CTDP1: variants seen among roughly 807,000 people sequenced by gnomAD.
CTDP1 encodes RNA polymerase II subunit A C-terminal domain phosphatase.
A neutral mutation model predicts 91.8 loss-of-function variants in CTDP1; 47 were observed. That is an observed-to-expected ratio of 0.51 (90% CI 0.41 to 0.65). CTDP1 has a LOEUF of 0.65. Among genes scored for constraint, CTDP1 ranks in the 30% least tolerant of loss-of-function variants. The pLI is 0.00. For missense variants in CTDP1, 1,272 were observed against 1,373.7 expected (o/e 0.93, Z 1.17); for synonymous variants, 656 against 598.5 (o/e 1.10, Z -1.40).
At chr18:79,707,524 C>T (rs905805019) in intron 5 of CTDP1, among the ~76,000 whole-genome samples, 4 of 152,230 alleles carry the variant, frequency 2.6e-5, no homozygotes, top group Admixed American at 1.3e-4. Context: ...GTGCCTTCTC[C>T]GTTTCAAGCT....
rs763674738 is a variant in CTDP1, at chr18:79,710,450, C to T, written c.863+14C>T. ...GGGAAACCTTAGGTATGTACCCAGCCGCGCTCCTCACAAAGACCTCGCTGT... is the reference window on the plus strand; with the variant it reads ...GGGAAACCTTAGGTATGTACCCAGCTGCGCTCCTCACAAAGACCTCGCTGT... On this transcript the variant is annotated intron_variant, in intron 6 of 12. Coordinates refer to ENST00000613122, the MANE Select transcript of CTDP1 (RefSeq NM_004715.5). 1.8e-5 allele frequency: 29 copies of T among 1,577,450 alleles called. No homozygotes were observed. Among genetic ancestry groups the T allele is most frequent in the South Asian group, 1.7e-4 (15 of 90,298 alleles).
intron 1 of CTDP1, 81 bp from the exon 2 acceptor site, chr18:79,695,144 A>C: frequency 7.5e-7 from 1 of 1,333,570 alleles, no homozygotes; most frequent in Non-Finnish European, 1.1e-6. Context: ...ACAAAAACCT[A>C]GATTTTAAAA....
In CTDP1 at chr18:79,754,068, C is replaced by T. The variant is rs907922817; in HGVS notation, c.*278C>T. 11 of 486,722 alleles carry T rather than the reference C, an allele frequency of 2.3e-5. No individual in the cohort carries two copies. Among genetic ancestry groups the T allele is most frequent in the African/African-American group, 7.8e-5 (4 of 51,248 alleles). The allele number at this position is 486,722 out of a possible 1,614,324, so 30.2% of individuals were successfully genotyped here. A position where few individuals can be genotyped will look rare whatever the true frequency, so the allele number is the denominator to read the frequency against. ...CTCACGTGGCCCAGGCTGGTGCGCC[C>T]GCTGTCTCGGTAAGGGGCGGGTTGG... On this transcript the variant is annotated 3_prime_UTR_variant, in exon 13 of 13. Coordinates refer to ENST00000613122, the MANE Select transcript of CTDP1 (RefSeq NM_004715.5).
chr18:79,692,910 G>A (rs2085654292), intron 1 of CTDP1, among the ~76,000 whole-genome samples: 1 of 152,254 alleles, frequency 6.6e-6, no homozygotes, highest in African/African-American at 2.4e-5. Context: ...GCTCCCAAGT[G>A]GGGTTGCTGC....
At chr18:79,732,656 C>G (rs1217622635) in intron 11 of CTDP1, among the ~76,000 whole-genome samples, 12 of 151,030 alleles carry the variant, frequency 7.9e-5, no homozygotes, top group African/African-American at 2.7e-4. Flanking sequence ...GACGTAAGAA[C>G]TCACTGTCAT....
intron 5 of CTDP1, among the ~76,000 whole-genome samples, chr18:79,706,690 G>A (rs1439714152): frequency 1.3e-5 from 2 of 152,162 alleles, no homozygotes; most frequent in Non-Finnish European, 2.9e-5. Flanking sequence ...ATCATTTTAT[G>A]TAAGATTTTT....
Position 79,717,987 on chromosome 18 carries a change from A to G in CTDP1, c.2388A>G (p.Leu796=). The G allele has an allele frequency of 1.4e-5, 22 of 1,613,032 alleles. No individual in the cohort carries two copies. The highest frequency in any genetic ancestry group is 1.8e-5 in the Non-Finnish European group (21 of 1,179,814). ...ARGPPAPSSS[L]PIRQEPSSFR... ...GGCCCCCAGCACCCTCCAGCTCCCT[A>G]CCCATCCGCCAGGAGCCCTCTTCCT... The change falls in exon 10 of 13, where the codon CTA becomes CTG. Residue 796 remains leucine (L), a synonymous_variant. Transcript: ENST00000613122.
In CTDP1 at chr18:79,714,641, A is replaced by G. The variant is rs745491727; in HGVS notation, c.1181A>G (p.Asp394Gly). ...GGCAGCGAGGCCGCCACCCCGCGGG[A>G]CTCACCCCGCCCCGGGAAGCCAGAC... is the stretch of plus-strand genomic sequence containing the variant. ...LNGSEAATPRDSPRPGKPDER... is the reference protein window; with the variant it reads ...LNGSEAATPRGSPRPGKPDER... Residue 394 changes from aspartate to glycine, a missense_variant, in exon 8 of 13, where the codon GAC (aspartate) becomes GGC (glycine). Physicochemically the swap from Asp to Gly is moderately conservative, Grantham distance 94. This residue lies in a region of CTDP1 where 881 missense variants were observed against 911.6 expected (regional missense o/e 0.97). Transcript: ENST00000613122. 16 of 1,612,096 alleles carry G rather than the reference A, an allele frequency of 9.9e-6. No individual in the cohort carries two copies. The highest frequency in any genetic ancestry group is 2.2e-5 in the South Asian group (2 of 91,054).
intron 4 of CTDP1, among the ~76,000 whole-genome samples, chr18:79,700,096 G>T (rs1424037418): frequency 6.6e-6 from 1 of 152,128 alleles, no homozygotes; most frequent in African/African-American, 2.4e-5. Flanking sequence ...CCACCAACTG[G>T]CCATTCCCTG....
chr18:79,719,100 C>T (rs1466800907), intron 10 of CTDP1, among the ~76,000 whole-genome samples: 4 of 152,200 alleles, frequency 2.6e-5, no homozygotes, highest in African/African-American at 7.2e-5. Context: ...GAGAAGGCCC[C>T]GCCAGGCACC....
At chr18:79,729,172 C>A in intron 11 of CTDP1, 103 bp downstream of exon 11, 1 of 1,423,798 alleles carries the variant, frequency 7.0e-7, no homozygotes, top group Non-Finnish European at 9.8e-7. Flanking sequence ...GGAGGCCGAG[C>A]TAGAGTCCTG....
At chr18:79,712,820 A>T (rs1191279818) in intron 6 of CTDP1, 152 bp from the exon 7 acceptor site, 10 of 745,102 alleles carry the variant, frequency 1.3e-5, no homozygotes, top group Non-Finnish European at 6.7e-6. Flanking sequence ...CGACCCAAAC[A>T]GAAAGGGCTT....
chr18:79,705,754 A>G (rs2085955706), intron 5 of CTDP1, among the ~76,000 whole-genome samples: 2 of 152,210 alleles, frequency 1.3e-5, no homozygotes, highest in African/African-American at 4.8e-5. Context: ...AGGTCTTTCT[A>G]GATTGGTCTT....
At chr18:79,728,767 A>G (rs547364205) in intron 10 of CTDP1, 140 bp from the exon 11 acceptor site, 1 of 604,608 alleles carries the variant, frequency 1.7e-6, no homozygotes, top group South Asian at 2.3e-5. Flanking sequence ...TGTATTGGCG[A>G]AACATCACGT....
intron 4 of CTDP1, among the ~76,000 whole-genome samples, chr18:79,701,024 T>A (rs909793103): frequency 3.3e-5 from 5 of 152,206 alleles, no homozygotes; most frequent in African/African-American, 1.2e-4. Context: ...AAGCCCGCTC[T>A]TGAGACCTGT....
At chr18:79,722,828 G>T (rs2086371803) in intron 10 of CTDP1, among the ~76,000 whole-genome samples, 1 of 152,242 alleles carries the variant, frequency 6.6e-6, no homozygotes, top group Non-Finnish European at 1.5e-5. Flanking sequence ...CCAGCCGGCA[G>T]GAGTTCTGCG....
In CTDP1 at chr18:79,714,632, C is replaced by T; in HGVS notation, c.1172C>T (p.Thr391Ile). Residue 391 changes from threonine (T) to isoleucine (I), a missense_variant, in exon 8 of 13, where the codon ACC becomes ATC. Physicochemically the swap from Thr to Ile is moderately conservative, Grantham distance 89. This residue lies in a region of CTDP1 where 881 missense variants were observed against 911.6 expected (regional missense o/e 0.97). Coordinates refer to ENST00000613122, the MANE Select transcript of CTDP1 (RefSeq NM_004715.5). ...ARELNGSEAA[T>I]PRDSPRPGKP... ...GAGCTGAACGGCAGCGAGGCCGCCA[C>T]CCCGCGGGACTCACCCCGCCCCGGG... is the stretch of plus-strand genomic sequence containing the variant. The T allele has an allele frequency of 6.2e-7, 1 of 1,612,478 alleles. No homozygotes were observed. The highest frequency in any genetic ancestry group is 8.5e-7 in the Non-Finnish European group (1 of 1,179,802).
chr18:79,688,304 A>T (rs571768872), intron 1 of CTDP1, among the ~76,000 whole-genome samples: 1 of 152,326 alleles, frequency 6.6e-6, no homozygotes, highest in African/African-American at 2.4e-5. Context: ...CACTGTTGTC[A>T]CCCAGGCTGG....
chr18:79,722,824 G>A (rs576271971), intron 10 of CTDP1, among the ~76,000 whole-genome samples: 8 of 152,322 alleles, frequency 5.3e-5, no homozygotes, highest in South Asian at 2.1e-4. Flanking sequence ...GGGACCAGCC[G>A]GCAGGAGTTC....
Sources: allele counts gnomAD v4.1 joint callset (sites outside exome capture counted in the v4.1 genomes callset), GRCh38; gene constraint gnomAD v4.1.1; regional missense constraint gnomAD v4.1.1; transcripts MANE v1.5; gene names NCBI Gene and HGNC (gene_info 2026-07-23, HGNC 2026-07-21).